The following KIAA1217 variants were observed in gnomAD, a reference collection of about 807,000 sequenced individuals.
The protein encoded by KIAA1217 is KIAA1217.
KIAA1217 carries 88 observed loss-of-function variants against 163.9 expected under a neutral mutation model. The observed-to-expected ratio is 0.54, with a 90% confidence interval of 0.45 to 0.64. The LOEUF (loss-of-function observed/expected upper bound fraction) is 0.64. Ranked by LOEUF, KIAA1217 falls within the 30% of genes least tolerant of loss-of-function variation. The pLI is 0.00. For synonymous variants in KIAA1217, 903 were observed against 923.1 expected, an observed-to-expected ratio of 0.98 and a Z score of 0.39; for missense variants, 2,372 against 2,475.0, an observed-to-expected ratio of 0.96 and a Z score of 0.88.
chr10:24,220,616 G>A (rs755787524), intron 2 of KIAA1217, among the ~76,000 whole-genome samples: 24 of 151,508 alleles, frequency 1.6e-4, no homozygotes, highest in Non-Finnish European at 2.9e-4. Flanking sequence ...CACCATGCCC[G>A]GCTAATTTTT....
At position 24,380,979 on chromosome 10, in the gene KIAA1217, T is replaced by A; in HGVS notation, c.465T>A (p.Asp155Glu). ...CTTTGGAAGCCATGTCTGAGGGGGA[T>A]GCTCCAACCCCTTTTTCCAGAGGCA... ...ADSLEAMSEG[D>E]APTPFSRGSR... The change falls in exon 3 of 21, where the codon GAT becomes GAA. Residue 155 changes from aspartate (D) to glutamate (E), a missense_variant. Around this residue, in one of 3 missense-constraint regions of KIAA1217, gnomAD observed 1,431 missense variants for 1,470.3 expected, o/e 0.97. Coordinates refer to ENST00000376454, the MANE Select transcript of KIAA1217 (RefSeq NM_019590.5). 3 of 1,608,194 alleles carry A rather than the reference T, an allele frequency of 1.9e-6. No homozygotes were observed. Among genetic ancestry groups the A allele is most frequent in the Non-Finnish European group, 1.7e-6 (2 of 1,176,912 alleles).
chr10:23,699,217 G>A (rs1836253300), intron 1 of KIAA1217, among the ~76,000 whole-genome samples: 1 of 152,166 alleles, frequency 6.6e-6, no homozygotes, highest in South Asian at 2.1e-4. Context: ...TTTCAGACAC[G>A]GGCCTGGTCC....
At chr10:23,990,885 A>G (rs561303915) in intron 1 of KIAA1217, among the ~76,000 whole-genome samples, 16 of 152,302 alleles carry the variant, frequency 1.1e-4, no homozygotes, top group African/African-American at 3.8e-4. Context: ...AAGAGTATAG[A>G]ATTTTAGAGG....
chr10:23,854,615 G>A (rs1023550598), intron 1 of KIAA1217, among the ~76,000 whole-genome samples: 8 of 152,160 alleles, frequency 5.3e-5, no homozygotes, highest in Non-Finnish European at 8.8e-5. Flanking sequence ...ACAGTGGGGT[G>A]TTAAAGTCTC....
intron 1 of KIAA1217, among the ~76,000 whole-genome samples, chr10:23,865,936 C>A (rs1355368150): frequency 6.6e-6 from 1 of 152,026 alleles, no homozygotes; most frequent in Non-Finnish European, 1.5e-5. Context: ...TTATTTGCTC[C>A]TGTGCTGGTC....
chr10:24,313,993 C>G (rs922571379), intron 2 of KIAA1217, among the ~76,000 whole-genome samples: 1 of 152,002 alleles, frequency 6.6e-6, no homozygotes, highest in African/African-American at 2.4e-5. Flanking sequence ...GTGCCCACCA[C>G]CGCGCCCAGC....
intron 1 of KIAA1217, among the ~76,000 whole-genome samples, chr10:23,731,618 T>A (rs1838482970): frequency 6.6e-6 from 1 of 152,136 alleles, no homozygotes; most frequent in Non-Finnish European, 1.5e-5. Context: ...TACAACCAGG[T>A]AGGTATGAAC....
chr10:24,521,977 TG>T, intron 12 of KIAA1217, 48 bp downstream of exon 12: 1 of 1,577,284 alleles, frequency 6.3e-7, no homozygotes. Flanking sequence ...AGGGGTGCAC[TG>T]GGAAACCGAG....
In KIAA1217 at chr10:23,695,311, G is replaced by T. The variant is rs1835953659; in HGVS notation, c.-321+77G>T. The T allele has an allele frequency of 6.6e-6, 1 of 152,294 alleles. No homozygotes were observed. The highest frequency in any genetic ancestry group is 2.1e-4 in the South Asian group (1 of 4,832). 9.4% of individuals were successfully genotyped at this position (152,294 alleles called of 1,614,324 possible). A position where few individuals can be genotyped will look rare whatever the true frequency, so the allele number is the denominator to read the frequency against. On this transcript the variant is annotated intron_variant, in intron 1 of 18. Transcript: ENST00000376462. The surrounding 1 kb of genome is among the most constrained non-coding windows in gnomAD (Gnocchi z 4.9). Reference sequence around the variant, plus strand: ...GTGGGAGGCACATCTCCCCTCCTTGGATAAGGAAACCGAGGGGAGACTTAC... The same window carrying T: ...GTGGGAGGCACATCTCCCCTCCTTGTATAAGGAAACCGAGGGGAGACTTAC...
chr10:24,145,544 T>C (rs1055905623), intron 2 of KIAA1217, among the ~76,000 whole-genome samples: 2 of 152,168 alleles, frequency 1.3e-5, no homozygotes, highest in Non-Finnish European at 2.9e-5. Context: ...ACAGAACTAA[T>C]AGGATAGATG....
At chr10:24,106,501 C>T (rs2062634474) in intron 2 of KIAA1217, among the ~76,000 whole-genome samples, 1 of 151,312 alleles carries the variant, frequency 6.6e-6, no homozygotes, top group African/African-American at 2.4e-5. Flanking sequence ...CTGTAGGGGA[C>T]TTGGTCCCTG....
intron 2 of KIAA1217, among the ~76,000 whole-genome samples, chr10:24,289,633 G>A (rs1190181279): frequency 6.6e-6 from 1 of 152,142 alleles, no homozygotes; most frequent in Admixed American, 6.6e-5. Context: ...AAGGAGACTG[G>A]AAGAGAAGGG....
intron 2 of KIAA1217, among the ~76,000 whole-genome samples, chr10:24,304,751 G>A (rs2041815040): frequency 6.6e-6 from 1 of 152,150 alleles, no homozygotes; most frequent in Non-Finnish European, 1.5e-5. Flanking sequence ...AGGTCCAGGT[G>A]GAGAAAGACT....
At chr10:23,822,610 C>T (rs1403500389) in intron 1 of KIAA1217, among the ~76,000 whole-genome samples, 7 of 152,176 alleles carry the variant, frequency 4.6e-5, no homozygotes, top group African/African-American at 1.7e-4. Context: ...CATCACAGAC[C>T]TACAAACCTC....
chr10:24,530,175 A>C (rs1179795885), intron 14 of KIAA1217, among the ~76,000 whole-genome samples: 1 of 152,144 alleles, frequency 6.6e-6, no homozygotes, highest in Non-Finnish European at 1.5e-5. Context: ...TGTTTTATAT[A>C]GGTCTCATAA....
At chr10:24,226,208 T>G (rs1443442232) in intron 2 of KIAA1217, among the ~76,000 whole-genome samples, 1 of 152,158 alleles carries the variant, frequency 6.6e-6, no homozygotes, top group African/African-American at 2.4e-5. Context: ...TATGGGCCTA[T>G]GGACCTTGGT....
intron 1 of KIAA1217, among the ~76,000 whole-genome samples, chr10:24,215,918 C>T (rs2068755153): frequency 6.6e-6 from 1 of 152,128 alleles, no homozygotes; most frequent in Admixed American, 6.5e-5. Context: ...GGAGTGAGCT[C>T]CAAAGGCAAT....
At chr10:24,154,208 C>T (rs1296037408) in intron 2 of KIAA1217, among the ~76,000 whole-genome samples, 1 of 151,958 alleles carries the variant, frequency 6.6e-6, no homozygotes, top group African/African-American at 2.4e-5. Context: ...CCGCCCGCCT[C>T]GGCCTCCCAA....
chr10:24,322,684 G>A (rs1023212742), intron 2 of KIAA1217, among the ~76,000 whole-genome samples: 2 of 152,158 alleles, frequency 1.3e-5, no homozygotes, highest in Non-Finnish European at 2.9e-5. Context: ...ACCACCCAGA[G>A]TGGGTAGACG....
Sources: allele counts gnomAD v4.1 joint callset (sites outside exome capture counted in the v4.1 genomes callset), GRCh38; gene constraint gnomAD v4.1.1; regional missense constraint gnomAD v4.1.1; non-coding constraint Gnocchi (gnomAD v3.1); transcripts MANE v1.5; gene names NCBI Gene and HGNC (gene_info 2026-07-23, HGNC 2026-07-21).